Variants in CD9 observed in about 807,000 individuals in gnomAD.
CD9 encodes the protein CD9 antigen.
Under a neutral mutation model 31.4 loss-of-function variants are expected in CD9, and 10 were observed. The observed-to-expected ratio is 0.32, with a 90% CI of 0.20 to 0.54. The LOEUF (loss-of-function observed/expected upper bound fraction) is 0.54, where lower values mean the gene tolerates loss of function less well. CD9 is among the 20% of genes least tolerant of loss of function. The pLI is 0.94. For missense variants in CD9, 259 were observed against 300.1 expected, an observed-to-expected ratio of 0.86 and a Z score of 1.01; for synonymous variants, 113 against 114.1, an observed-to-expected ratio of 0.99 and a Z score of 0.06.
intron 1 of CD9, among the ~76,000 whole-genome samples, chr12:6,220,629 T>C (rs7358628): frequency 0.035 from 5,268 of 152,300 alleles, 291 homozygotes; most frequent in African/African-American, 0.12. Context: ...CAGACCTGCA[T>C]AGTCAGGAAA....
intron 1 of CD9, among the ~76,000 whole-genome samples, chr12:6,208,030 G>T (rs1244292717): frequency 6.6e-6 from 1 of 152,122 alleles, no homozygotes; most frequent in Non-Finnish European, 1.5e-5. Context: ...TTTGAGACCA[G>T]CCTGGCCAAC....
At chr12:6,206,447 C>T (rs529491082) in intron 1 of CD9, among the ~76,000 whole-genome samples, 2 of 152,112 alleles carry the variant, frequency 1.3e-5, no homozygotes, top group Non-Finnish European at 1.5e-5. Context: ...TGGTCTCAAA[C>T]TCCTAGGCTC....
intron 1 of CD9, among the ~76,000 whole-genome samples, chr12:6,213,787 A>G (rs368820163): frequency 4.9e-4 from 74 of 152,238 alleles, no homozygotes; most frequent in African/African-American, 1.8e-3. Flanking sequence ...TCCCAGCCTC[A>G]ATGGCGGGAG....
intron 1 of CD9, among the ~76,000 whole-genome samples, chr12:6,209,637 C>T (rs995656609): frequency 1.3e-5 from 2 of 151,820 alleles, no homozygotes; most frequent in African/African-American, 4.8e-5. Flanking sequence ...GTAGCCCTGG[C>T]TCCCTAAGAC....
chr12:6,201,618 CT>C (rs1357439564), intron 1 of CD9, among the ~76,000 whole-genome samples: 1 of 152,268 alleles, frequency 6.6e-6, no homozygotes, highest in Non-Finnish European at 1.5e-5. Flanking sequence ...GTCCTTGTTT[CT>C]ATAGCCACAT....
At chr12:6,218,737 A>G (rs1946265189) in intron 1 of CD9, among the ~76,000 whole-genome samples, 1 of 152,048 alleles carries the variant, frequency 6.6e-6, no homozygotes. Flanking sequence ...GAGTCACTGA[A>G]ATTCTCATCT....
At chr12:6,237,698 C>G (rs1447912150) in intron 7 of CD9, 65 bp from the exon 8 acceptor site, 1 of 1,244,180 alleles carries the variant, frequency 8.0e-7, no homozygotes, top group African/African-American at 1.5e-5. Flanking sequence ...CCATGTCTCT[C>G]CCTTTCCCTC....
chr12:6,233,760 T>A (rs1221865045), intron 4 of CD9, among the ~76,000 whole-genome samples: 1 of 152,000 alleles, frequency 6.6e-6, no homozygotes, highest in East Asian at 1.9e-4. Flanking sequence ...TGTCTGTCTG[T>A]CCATCTCACA....
intron 1 of CD9, among the ~76,000 whole-genome samples, chr12:6,202,803 A>C (rs1169909113): frequency 1.3e-5 from 2 of 152,268 alleles, no homozygotes; most frequent in East Asian, 3.8e-4. Flanking sequence ...CATGCAGTCC[A>C]GCTCTCTTAT....
At chr12:6,230,412 C>A (rs1030589514) in intron 2 of CD9, among the ~76,000 whole-genome samples, 2 of 152,270 alleles carry the variant, frequency 1.3e-5, no homozygotes, top group Non-Finnish European at 2.9e-5. Context: ...TGCAGCTAAT[C>A]CAATTCCCTT....
chr12:6,223,774 A>C (rs1946325118), intron 1 of CD9, among the ~76,000 whole-genome samples: 1 of 152,176 alleles, frequency 6.6e-6, no homozygotes, highest in South Asian at 2.1e-4. Context: ...CCATGGTCTG[A>C]ATGCGAGTAC....
rs944020960 is a variant in CD9, at chr12:6,232,434, A to G, written c.176-198A>G. 5.5e-5 allele frequency: 34 copies of G among 621,956 alleles called. No homozygotes were observed. The highest frequency in any genetic ancestry group is 2.5e-4 in the East Asian group (9 of 36,298). The allele number at this position is 621,956 out of a possible 1,614,324, so 38.5% of individuals were successfully genotyped here. ...TTGATGAAGCAGAGTCATGCAAGAG[A>G]GGCTGGTGGGAAGGAGACCTGGGGC... On this transcript the variant is annotated intron_variant, in intron 2 of 7. Transcript: ENST00000009180. The surrounding 1 kb of genome is among the most constrained non-coding windows in gnomAD (Gnocchi z 4.8).
At chr12:6,215,145 G>C (rs1420818917) in intron 1 of CD9, among the ~76,000 whole-genome samples, 1 of 152,152 alleles carries the variant, frequency 6.6e-6, no homozygotes, top group Non-Finnish European at 1.5e-5. Flanking sequence ...GGAGTGTAAA[G>C]TAGTAGGTGC....
At position 6,232,834 on chromosome 12, in the gene CD9, G is replaced by A; in HGVS notation, c.273+105G>A. On this transcript the variant is annotated intron_variant, in intron 3 of 7. Coordinates refer to ENST00000009180, the MANE Select transcript of CD9 (RefSeq NM_001769.4). This position sits in a 1 kb window ranked among gnomAD's most constrained non-coding sequence, Gnocchi z 4.8. ...GAACAGATGGAGGGGGATGGGGTCA[G>A]GAAGGTACCCAAAGGGCATGAGCTG... 1 of 801,504 alleles carries A rather than the reference G, an allele frequency of 1.2e-6. No individual in the cohort carries two copies. The highest frequency in any genetic ancestry group is 2.1e-6 in the Non-Finnish European group (1 of 475,562). The allele number at this position is 801,504 out of a possible 1,614,324, so 49.6% of individuals were successfully genotyped here.
intron 3 of CD9, chr12:6,233,042 T>C (rs1217920549): frequency 5.7e-6 from 4 of 702,436 alleles, no homozygotes; most frequent in Non-Finnish European, 5.2e-6. Context: ...CAAAATCTGT[T>C]TTGGTCTTTT....
chr12:6,214,909 G>A (rs946509421), intron 1 of CD9, among the ~76,000 whole-genome samples: 2 of 152,142 alleles, frequency 1.3e-5, no homozygotes, highest in African/African-American at 4.8e-5. Context: ...CCAAACGCAG[G>A]TTCCAACTTG....
chr12:6,234,602 T>TGA (rs1946491932), intron 4 of CD9: 1 of 152,204 alleles, frequency 6.6e-6, no homozygotes, highest in Admixed American at 6.5e-5. Context: ...CTGGATGTGG[T>TGA]GAGCATCAAA....
chr12:6,225,590 C>G, intron 2 of CD9, 56 bp downstream of exon 2: 1 of 1,184,932 alleles, frequency 8.4e-7, no homozygotes, highest in Non-Finnish European at 1.3e-6. Context: ...AAAGTTCCTG[C>G]AACTTTGGAG....
At chr12:6,227,219 A>G (rs1169815181) in intron 2 of CD9, among the ~76,000 whole-genome samples, 1 of 147,244 alleles carries the variant, frequency 6.8e-6, no homozygotes, top group Non-Finnish European at 1.5e-5. Flanking sequence ...TTTTTTTGAG[A>G]CGAAGTTTCA....
Sources: gnomAD v4.1 joint callset for allele counts (sites outside exome capture counted in the v4.1 genomes callset) on GRCh38, gnomAD v4.1.1 for gene constraint, Gnocchi (gnomAD v3.1) non-coding constraint, MANE v1.5 for transcripts, NCBI Gene and HGNC (gene_info 2026-07-23, HGNC 2026-07-21) for gene names.